NOL10: variants seen among roughly 807,000 people sequenced by gnomAD.
NOL10 encodes the protein H_NH0074G24.1.
Under a neutral mutation model 103.5 loss-of-function variants are expected in NOL10, and 58 were observed. The observed-to-expected ratio is 0.56, with a 90% confidence interval of 0.45 to 0.70. The LOEUF (loss-of-function observed/expected upper bound fraction) is 0.70. Among genes scored for constraint, NOL10 ranks in the 30% least tolerant of loss-of-function variants. NOL10 has a pLI of 0.00. For synonymous variants in NOL10, 287 were observed against 282.5 expected (o/e 1.02, Z -0.16); for missense variants, 763 against 807.3 (o/e 0.95, Z 0.67).
intron 11 of NOL10, among the ~76,000 whole-genome samples, chr2:10,657,431 A>G (rs550503856): frequency 1.7e-4 from 26 of 152,296 alleles, no homozygotes; most frequent in Admixed American, 1.1e-3. Flanking sequence ...GGGAATCTCA[A>G]TATCTAGGGG....
chr2:10,617,689 T>C (rs1394967877), intron 13 of NOL10, among the ~76,000 whole-genome samples: 1 of 152,104 alleles, frequency 6.6e-6, no homozygotes, highest in Non-Finnish European at 1.5e-5. Flanking sequence ...GTCCAAACAC[T>C]GGACTTAGTA....
rs1680946183 is a variant in NOL10 at position 10,671,620 on chromosome 2, A to G, written c.398T>C (p.Ile133Thr). The stretch of plus-strand genomic sequence containing the variant: ...AGAGAAATCTCTCCCAAACTTTGGT[A>G]TTCTGGTTTTGTAGTAAAAACCTGA... ...SQSGFYYKTR[I>T]PKFGRDFSYH... The change falls in exon 6 of 21, where the codon ATA becomes ACA. Residue 133 changes from isoleucine to threonine, a missense_variant. Physicochemically the swap from Ile to Thr is moderately conservative, Grantham distance 89. Transcript: ENST00000381685. 1 of 1,597,966 alleles carries G rather than the reference A, an allele frequency of 6.3e-7. No individual in the cohort carries two copies.
chr2:10,672,425 T>G (rs779849964), intron 5 of NOL10, among the ~76,000 whole-genome samples: 3 of 152,152 alleles, frequency 2.0e-5, no homozygotes, highest in Non-Finnish European at 2.9e-5. Context: ...ACTAAAGGGG[T>G]ATCTTAAACA....
chr2:10,603,713 T>C (rs1008732780), intron 14 of NOL10, among the ~76,000 whole-genome samples: 1 of 152,228 alleles, frequency 6.6e-6, no homozygotes, highest in Non-Finnish European at 1.5e-5. Flanking sequence ...AAAAGTCCAC[T>C]GCCAGTCAGC....
intron 8 of NOL10, among the ~76,000 whole-genome samples, chr2:10,663,823 G>A (rs1321397485): frequency 2.6e-5 from 4 of 151,742 alleles, no homozygotes; most frequent in Non-Finnish European, 5.9e-5. Context: ...GGTGGCGGGC[G>A]CTTTTAGTCC....
intron 13 of NOL10, among the ~76,000 whole-genome samples, chr2:10,640,986 C>A (rs139473595): frequency 1.9e-3 from 282 of 150,932 alleles, no homozygotes; most frequent in Admixed American, 5.1e-3. Context: ...GAGTTCAAGA[C>A]CAGTCTGGCC....
chr2:10,587,056 C>T lies in NOL10; in HGVS notation c.1844+1987G>A, dbSNP rs13035814. Among the ~76,000 whole-genome samples the T allele has an allele frequency of 6.1e-3, 330 of 53,844 alleles. 3 individuals are homozygous for T. Among genetic ancestry groups the T allele is most frequent in the Middle Eastern group, 8.6e-3 (1 of 116 alleles). The allele number at this position is 53,844 out of a possible 152,430, so 35.3% of individuals were successfully genotyped here. A position where few individuals can be genotyped will look rare whatever the true frequency, so the allele number is the denominator to read the frequency against. On this transcript the variant is annotated intron_variant, in intron 19 of 20. Coordinates refer to ENST00000381685, the MANE Select transcript of NOL10 (RefSeq NM_024894.4). ...AAAAAGTTAAATGTATATATATATA[C>T]ATATATATATACATATATATACATA...
intron 17 of NOL10, among the ~76,000 whole-genome samples, chr2:10,595,106 G>C: frequency 7.3e-6 from 1 of 136,504 alleles, no homozygotes; most frequent in Non-Finnish European, 1.6e-5. Context: ...AAAGTTAAGA[G>C]GTAGGACTAC....
intron 8 of NOL10, among the ~76,000 whole-genome samples, chr2:10,664,081 T>C (rs1166677660): frequency 6.7e-6 from 1 of 150,312 alleles, no homozygotes; most frequent in African/African-American, 2.5e-5. Context: ...AGCGTGCCAC[T>C]GCACTCCTGC....
intron 13 of NOL10, among the ~76,000 whole-genome samples, chr2:10,635,350 C>T (rs1312428363): frequency 6.6e-6 from 1 of 152,174 alleles, no homozygotes; most frequent in African/African-American, 2.4e-5. Flanking sequence ...ATTCTCTCTA[C>T]TGTTCTCTTT....
At chr2:10,675,942 T>C (rs1409149760) in intron 3 of NOL10, 71 bp from the exon 4 acceptor site, 1 of 722,124 alleles carries the variant, frequency 1.4e-6, no homozygotes, top group East Asian at 2.8e-5. Context: ...ATACATTGAG[T>C]GTACTTCTTG....
intron 10 of NOL10, among the ~76,000 whole-genome samples, chr2:10,658,725 T>C (rs946917351): frequency 6.6e-6 from 1 of 152,210 alleles, no homozygotes; most frequent in Non-Finnish European, 1.5e-5. Flanking sequence ...CCCAAGACTG[T>C]CTGACCACAG....
At position 10,666,962 on chromosome 2, in the gene NOL10, T is replaced by C. The variant is rs539320291; in HGVS notation, c.591+256A>G. Among the ~76,000 whole-genome samples, 135 of 152,348 alleles carry C rather than the reference T, an allele frequency of 8.9e-4. 1 individual carries two copies. Among genetic ancestry groups the C allele is most frequent in the South Asian group, 5.2e-3 (25 of 4,830 alleles). On this transcript the variant is annotated intron_variant, in intron 8 of 20. Transcript: ENST00000381685. ...TTTTAAAACTATGAGTATTTATCAT[T>C]ATTTTAAGTGAAAAATGCAAATCTA...
intron 19 of NOL10, among the ~76,000 whole-genome samples, chr2:10,583,465 C>A (rs1452108798): frequency 6.6e-6 from 1 of 152,196 alleles, no homozygotes; most frequent in African/African-American, 2.4e-5. Context: ...TCTTCCTGGG[C>A]CCGATGGACA....
At chr2:10,596,515 C>A (rs1675703033) in intron 17 of NOL10, among the ~76,000 whole-genome samples, 1 of 152,124 alleles carries the variant, frequency 6.6e-6, no homozygotes, top group Non-Finnish European at 1.5e-5. Context: ...CTCGCATGCG[C>A]AGTTCACAAT....
chr2:10,685,902 A>C (rs928907117), intron 1 of NOL10, among the ~76,000 whole-genome samples: 1 of 92,604 alleles, frequency 1.1e-5, no homozygotes, highest in South Asian at 3.7e-4. Context: ...TGTCTCTACA[A>C]AAAAAAAAAA....
intron 13 of NOL10, among the ~76,000 whole-genome samples, chr2:10,631,474 C>A (rs1407776305): frequency 6.6e-6 from 1 of 152,030 alleles, no homozygotes; most frequent in Non-Finnish European, 1.5e-5. Context: ...CTTTCATATT[C>A]TCCTTTTGGA....
intron 13 of NOL10, among the ~76,000 whole-genome samples, chr2:10,620,351 TAAAAA>T (rs949468220): frequency 5.9e-5 from 9 of 152,168 alleles, no homozygotes; most frequent in African/African-American, 2.2e-4. Context: ...AGCAAAACTT[TAAAAA>T]AATTATATGT....
chr2:10,591,917 C>T (rs911744956), intron 17 of NOL10, among the ~76,000 whole-genome samples: 6 of 152,186 alleles, frequency 3.9e-5, no homozygotes, highest in Admixed American at 3.3e-4. Context: ...GTAGGAGGAT[C>T]GCTTGAGCCT....
Sources: allele counts gnomAD v4.1 joint callset (sites outside exome capture counted in the v4.1 genomes callset), GRCh38; gene constraint gnomAD v4.1.1; transcripts MANE v1.5; gene names NCBI Gene and HGNC (gene_info 2026-07-23, HGNC 2026-07-21).